The following RARB variants were observed in gnomAD, a reference collection of about 807,000 sequenced individuals.
RARB encodes the protein retinoic acid receptor beta.
A neutral mutation model predicts 51.9 loss-of-function variants in RARB; 17 were observed. That is an observed-to-expected ratio of 0.33 (90% confidence interval 0.22 to 0.49). The LOEUF (loss-of-function observed/expected upper bound fraction) is 0.49. Among genes scored for constraint, RARB ranks in the 20% least tolerant of loss-of-function variants. The pLI is 0.99. For synonymous variants in RARB, 215 were observed against 195.4 expected (o/e 1.10, Z -0.84); for missense variants, 369 against 550.8 (o/e 0.67, Z 3.30).
intron 2 of RARB, among the ~76,000 whole-genome samples, chr3:24,903,583 C>G (rs926334224): frequency 7.2e-5 from 11 of 152,084 alleles, no homozygotes; most frequent in African/African-American, 2.4e-4. Context: ...CATGGTCCAT[C>G]AAATGTGGTT....
At chr3:25,528,075 G>A (rs939700180) in intron 3 of RARB, among the ~76,000 whole-genome samples, 5 of 152,170 alleles carry the variant, frequency 3.3e-5, no homozygotes, top group East Asian at 1.9e-4. Context: ...TAATGTCTGC[G>A]GAGTTGGCAC....
At chr3:25,236,494 A>G (rs1017424761) in intron 5 of RARB, among the ~76,000 whole-genome samples, 3 of 152,122 alleles carry the variant, frequency 2.0e-5, no homozygotes, top group Non-Finnish European at 4.4e-5. Context: ...TGAACAATAC[A>G]TAAATAAAGT....
At chr3:24,938,971 C>T (rs1005218733) in intron 2 of RARB, among the ~76,000 whole-genome samples, 2 of 138,916 alleles carry the variant, frequency 1.4e-5, no homozygotes, top group Non-Finnish European at 1.5e-5. Context: ...TGTTAATGAA[C>T]ATTTAGTTTT....
intron 3 of RARB, among the ~76,000 whole-genome samples, chr3:25,105,948 G>A (rs1699490615): frequency 6.6e-6 from 1 of 152,172 alleles, no homozygotes; most frequent in Admixed American, 6.5e-5. Context: ...CCATTGCACA[G>A]TACGATTTGG....
At chr3:24,901,329 G>T (rs1018213528) in intron 2 of RARB, among the ~76,000 whole-genome samples, 1 of 152,180 alleles carries the variant, frequency 6.6e-6, no homozygotes, top group Non-Finnish European at 1.5e-5. Flanking sequence ...TAGAGGGAAA[G>T]AAGGCATTAT....
At chr3:25,234,596 T>G (rs1192855365) in intron 5 of RARB, among the ~76,000 whole-genome samples, 1 of 152,154 alleles carries the variant, frequency 6.6e-6, no homozygotes, top group Non-Finnish European at 1.5e-5. Flanking sequence ...TGTGTCAATT[T>G]ATAATACAGA....
At chr3:25,574,237 C>G (rs191176994) in intron 4 of RARB, among the ~76,000 whole-genome samples, 1 of 152,172 alleles carries the variant, frequency 6.6e-6, no homozygotes, top group African/African-American at 2.4e-5. Flanking sequence ...CAACTCTTAT[C>G]CCTGCTACTT....
intron 5 of RARB, among the ~76,000 whole-genome samples, chr3:25,414,412 T>G (rs897138961): frequency 3.9e-5 from 6 of 152,370 alleles, no homozygotes; most frequent in African/African-American, 1.4e-4. Flanking sequence ...GAAATATGCC[T>G]TAATGTCTCC....
At chr3:25,309,915 G>T (rs562765098) in intron 5 of RARB, among the ~76,000 whole-genome samples, 1 of 152,208 alleles carries the variant, frequency 6.6e-6, no homozygotes, top group African/African-American at 2.4e-5. Context: ...CTACTTGATG[G>T]CTTTAAAGAA....
chr3:25,409,929 T>G (rs1040266983), intron 5 of RARB, among the ~76,000 whole-genome samples: 1 of 152,252 alleles, frequency 6.6e-6, no homozygotes, highest in Non-Finnish European at 1.5e-5. Flanking sequence ...AAAATATTGC[T>G]AAGTTTTGTC....
intron 5 of RARB, among the ~76,000 whole-genome samples, chr3:25,334,641 C>T (rs1347569586): frequency 6.6e-6 from 1 of 151,992 alleles, no homozygotes; most frequent in African/African-American, 2.4e-5. Context: ...AACAAACCTG[C>T]AGGTTGTGCA....
intron 5 of RARB, among the ~76,000 whole-genome samples, chr3:25,283,395 T>C (rs2125416998): frequency 6.6e-6 from 1 of 152,280 alleles, no homozygotes; most frequent in South Asian, 2.1e-4. Context: ...TCCACTTAGG[T>C]TGCAGAACAT....
At chr3:25,199,089 C>G (rs1701318523) in intron 5 of RARB, among the ~76,000 whole-genome samples, 1 of 152,112 alleles carries the variant, frequency 6.6e-6, no homozygotes, top group Non-Finnish European at 1.5e-5. Flanking sequence ...GGTATGTATA[C>G]ACAATGGAGT....
chr3:25,587,936 G>A (rs1046820182), intron 5 of RARB, among the ~76,000 whole-genome samples: 1 of 152,218 alleles, frequency 6.6e-6, no homozygotes, highest in Non-Finnish European at 1.5e-5. Context: ...CAAGATAGAA[G>A]AGAGTCTGAT....
In RARB at chr3:25,275,956, A is replaced by C. The variant is rs1487203037; in HGVS notation, c.178+101381A>C. ...AATAAAAGATTTGTTCAGTTGAAGG[A>C]AATTATCTTAGAATGAGCAGCAAGG... On this transcript the variant is annotated intron_variant, in intron 5 of 11. Coordinates refer to the RARB transcript ENST00000383772. 2.6e-5 allele frequency among the ~76,000 whole-genome samples: 4 copies of C among 152,380 alleles called. No individual in the cohort carries two copies. The East Asian group carries it at 7.7e-4, about 29-fold the overall frequency.
intron 3 of RARB, among the ~76,000 whole-genome samples, chr3:25,568,876 G>A (rs1185284716): frequency 1.3e-5 from 2 of 152,310 alleles, no homozygotes; most frequent in Non-Finnish European, 2.9e-5. Flanking sequence ...TTCTTTCCTC[G>A]CGAGATCCTA....
exon 2 of RARB, chr3:24,858,724 G>A (rs1037492248): frequency 2.6e-5 from 4 of 152,080 alleles, no homozygotes; most frequent in African/African-American, 7.2e-5. Context: ...CTCATCTGGA[G>A]GACTGTTCTC....
chr3:25,342,203 C>T (rs1029461572), intron 5 of RARB, among the ~76,000 whole-genome samples: 4 of 152,218 alleles, frequency 2.6e-5, no homozygotes, highest in African/African-American at 4.8e-5. Flanking sequence ...TCTTGGATTT[C>T]TCCATTTCAG....
exon 5 of RARB, chr3:25,174,352 A>G (rs1700700520): frequency 7.5e-7 from 1 of 1,334,248 alleles, no homozygotes; most frequent in Non-Finnish European, 9.9e-7. Flanking sequence ...ACCTGGAGTG[A>G]TGTGTTCCTG....
Sources: gnomAD v4.1 joint callset for allele counts (sites outside exome capture counted in the v4.1 genomes callset) on GRCh38, gnomAD v4.1.1 for gene constraint, MANE v1.5 for transcripts, NCBI Gene and HGNC (gene_info 2026-07-23, HGNC 2026-07-21) for gene names.